LARGE1: variants seen among roughly 807,000 people sequenced by gnomAD.
LARGE1 encodes the protein LARGE xylosyl- and glucuronyltransferase 1, also known as xylosyl- and glucuronyltransferase LARGE1.
A neutral mutation model predicts 87.6 loss-of-function variants in LARGE1; 43 were observed. The observed-to-expected ratio is 0.49, with a 90% CI of 0.38 to 0.63. The LOEUF is 0.63. LARGE1 is among the 30% of genes least tolerant of loss of function. LARGE1 has a pLI of 0.00. For synonymous variants in LARGE1, 434 were observed against 394.6 expected (o/e 1.10, Z -1.18); for missense variants, 802 against 1,000.2 (o/e 0.80, Z 2.67).
intron 7 of LARGE1, among the ~76,000 whole-genome samples, chr22:33,394,268 G>A (rs939053737): frequency 3.4e-5 from 5 of 148,616 alleles, no homozygotes; most frequent in Admixed American, 6.8e-5. Flanking sequence ...GCACAATCTC[G>A]GCTCACTGCA....
intron 9 of LARGE1, among the ~76,000 whole-genome samples, chr22:33,339,988 AT>A (rs1342584553): frequency 6.6e-6 from 1 of 152,206 alleles, no homozygotes; most frequent in Non-Finnish European, 1.5e-5. Flanking sequence ...TAGTACTAAA[AT>A]TTATTCTAAG....
chr22:33,626,249 G>C lies in LARGE1; in HGVS notation c.486C>G (p.Phe162Leu). The C allele has an allele frequency of 6.2e-7, 1 of 1,613,844 alleles. No individual in the cohort carries two copies. The highest frequency in any genetic ancestry group is 8.5e-7 in the Non-Finnish European group (1 of 1,179,750). The change falls in exon 4 of 15, where the codon TTC becomes TTG. Residue 162 changes from phenylalanine (F) to leucine (L), a missense_variant. By Grantham distance (22) the Phe-to-Leu change is conservative (BLOSUM62 0). This residue lies in a region of LARGE1 where 625 missense variants were observed against 841.9 expected (regional missense o/e 0.74). Coordinates refer to ENST00000397394, the MANE Select transcript of LARGE1 (RefSeq NM_133642.5). ...AGCACAGAAGTTGTTCTTACCTATG[G>C]AACAGGACGGATTTGACCAGGGTGA... ...DVVTLVKSVL[F>L]HRRNPLHFHL... is the part of the protein sequence containing the mutation.
At chr22:33,147,277 T>A in the LARGE1 span, among the ~76,000 whole-genome samples, 1 of 152,170 alleles carries the variant, frequency 6.6e-6, no homozygotes, top group Non-Finnish European at 1.5e-5. Context: ...TGAGTGAAAT[T>A]TGAGGATCTT....
Position 33,604,636 on chromosome 22 carries a change from A to C in LARGE1, c.492-78T>G, listed in dbSNP as rs556102325. The C allele has an allele frequency of 3.5e-5, 55 of 1,579,504 alleles. No homozygotes were observed. The South Asian group carries it at 5.9e-4, about 17-fold the overall frequency. On this transcript the variant is annotated intron_variant, in intron 4 of 14. Coordinates refer to ENST00000397394, the MANE Select transcript of LARGE1 (RefSeq NM_133642.5). ...TTACAGCTGCAAAAACACACTCTTC[A>C]CAGTTCCTACGGTGGGGCACGTTTC...
At chr22:33,218,781 A>T (rs1351200770) in intron 11 of LARGE1, among the ~76,000 whole-genome samples, 2 of 152,244 alleles carry the variant, frequency 1.3e-5, no homozygotes, top group African/African-American at 4.8e-5. Flanking sequence ...ACAATGTGGC[A>T]GAGAAGGCTG....
upstream of LARGE1, among the ~76,000 whole-genome samples, chr22:33,920,735 G>A (rs1389943256): frequency 2.1e-5 from 3 of 144,390 alleles, no homozygotes; most frequent in Non-Finnish European, 4.6e-5. Context: ...CCCGCCGCCG[G>A]GAGCGCTCGC....
chr22:33,713,711 C>A (rs753017703), intron 2 of LARGE1, among the ~76,000 whole-genome samples: 2 of 152,016 alleles, frequency 1.3e-5, no homozygotes, highest in Non-Finnish European at 2.9e-5. Context: ...AATCACAGCA[C>A]CTTGGGTGTC....
At position 33,203,071 on chromosome 22, in the gene LARGE1, C is replaced by G. The variant is rs973469072; in HGVS notation, c.1731-36239G>C. Reference sequence around the variant, plus strand: ...CCTAGAAAAATAGAATCTAAACTCTCTCTCTCTCTCTCTCTCTCTCTCTCT... The same window carrying G: ...CCTAGAAAAATAGAATCTAAACTCTGTCTCTCTCTCTCTCTCTCTCTCTCT... On this transcript the variant is annotated intron_variant, in intron 11 of 11. Coordinates refer to the LARGE1 transcript ENST00000608642. Among the ~76,000 whole-genome samples the G allele has an allele frequency of 3.5e-4, 5 of 14,354 alleles. No individual in the cohort carries two copies. The African/African-American group carries it at 4.3e-3, about 12-fold the overall frequency. 9.4% of individuals were successfully genotyped at this position (14,354 alleles called of 152,430 possible).
chr22:33,262,511 T>C (rs530272526), intron 11 of LARGE1, among the ~76,000 whole-genome samples: 19 of 152,284 alleles, frequency 1.2e-4, no homozygotes, highest in African/African-American at 3.6e-4. Flanking sequence ...CTGCCGCTCA[T>C]GCCATCTTGC....
the LARGE1 span, among the ~76,000 whole-genome samples, chr22:33,089,314 TTTCTTCTTTCTTCTTC>T: frequency 2.0e-3 from 237 of 115,772 alleles, no homozygotes; most frequent in Non-Finnish European, 3.5e-3. Context: ...CTTCTTCTTC[TTTCTTCTTTCTTCTTC>T]TTCTTCTTCT....
chr22:33,612,600 A>G (rs1430217515), intron 4 of LARGE1, among the ~76,000 whole-genome samples: 2 of 152,242 alleles, frequency 1.3e-5, no homozygotes, highest in African/African-American at 4.8e-5. Flanking sequence ...GTGAAAGAAC[A>G]ATAGTCATAT....
At chr22:33,148,271 C>T in the LARGE1 span, among the ~76,000 whole-genome samples, 4 of 152,290 alleles carry the variant, frequency 2.6e-5, no homozygotes, top group Non-Finnish European at 5.9e-5. Context: ...AGAAAATAGA[C>T]TAAGATGCCA....
rs148328084 is a variant in LARGE1, at chr22:33,633,594, C to T, written c.409-7268G>A. 3.3e-3 allele frequency among the ~76,000 whole-genome samples: 505 copies of T among 152,358 alleles called. 3 individuals carry two copies. Among genetic ancestry groups the T allele is most frequent in the African/African-American group, 0.011 (473 of 41,586 alleles). ...CTTCAACACCCTGCCAGCCCTGCTTCTCTTGCCCACAGGGCCTGGTGCTCC... is the reference window on the plus strand; with the variant it reads ...CTTCAACACCCTGCCAGCCCTGCTTTTCTTGCCCACAGGGCCTGGTGCTCC... On this transcript the variant is annotated intron_variant, in intron 3 of 14. Coordinates refer to ENST00000397394, the MANE Select transcript of LARGE1 (RefSeq NM_133642.5).
the LARGE1 span, among the ~76,000 whole-genome samples, chr22:33,149,589 T>C: frequency 6.6e-6 from 1 of 152,212 alleles, no homozygotes; most frequent in East Asian, 1.9e-4. Context: ...AAACTATCAA[T>C]TTATTTTTTC....
intron 6 of LARGE1, among the ~76,000 whole-genome samples, chr22:33,485,745 C>G (rs956185873): frequency 1.3e-5 from 2 of 152,152 alleles, no homozygotes; most frequent in Admixed American, 1.3e-4. Flanking sequence ...ATCCGTGAGG[C>G]TACTCTGATC....
intron 2 of LARGE1, among the ~76,000 whole-genome samples, chr22:33,716,292 T>C (rs970410517): frequency 6.6e-6 from 1 of 152,232 alleles, no homozygotes; most frequent in Non-Finnish European, 1.5e-5. Context: ...AAATTGGCCA[T>C]TGTTTATGTG....
At chr22:33,257,755 A>G (rs1035937712) in intron 11 of LARGE1, among the ~76,000 whole-genome samples, 3 of 152,244 alleles carry the variant, frequency 2.0e-5, no homozygotes, top group African/African-American at 7.2e-5. Context: ...GTTTGGGAAG[A>G]GAATCTACAT....
At chr22:33,745,014 C>T (rs141132828) in intron 2 of LARGE1, among the ~76,000 whole-genome samples, 93 of 152,310 alleles carry the variant, frequency 6.1e-4, no homozygotes, top group African/African-American at 2.0e-3. Context: ...GGCAAAGCCC[C>T]ACCAAGTGTT....
intron 2 of LARGE1, among the ~76,000 whole-genome samples, chr22:33,655,470 C>A (rs760182207): frequency 5.9e-5 from 9 of 152,176 alleles, no homozygotes; most frequent in Non-Finnish European, 1.2e-4. Context: ...GGCTTTCGGA[C>A]TCAGACTAGA....
Sources: gnomAD v4.1 joint callset for allele counts (sites outside exome capture counted in the v4.1 genomes callset) on GRCh38, gnomAD v4.1.1 for gene constraint, gnomAD v4.1.1 regional missense constraint, MANE v1.5 for transcripts, NCBI Gene and HGNC (gene_info 2026-07-23, HGNC 2026-07-21) for gene names.